Variants in ADGRD1 observed in about 807,000 individuals in gnomAD.
The protein encoded by ADGRD1 is G-protein coupled receptor 133.
Under a neutral mutation model 113.4 loss-of-function variants are expected in ADGRD1, and 77 were observed. The ratio of observed to expected loss-of-function variants is 0.68; its 90% CI spans 0.57 to 0.82. The LOEUF (loss-of-function observed/expected upper bound fraction) is 0.82, where lower values mean the gene tolerates loss of function less well. Ranked by LOEUF, ADGRD1 falls within the 40% of genes least tolerant of loss-of-function variation. ADGRD1 has a pLI of 0.00. For synonymous variants in ADGRD1, 474 were observed against 475.0 expected (o/e 1.00, Z 0.03); for missense variants, 1,036 against 1,139.1 (o/e 0.91, Z 1.30).
chr12:131,044,677 T>G (rs886307919), intron 13 of ADGRD1, among the ~76,000 whole-genome samples: 3 of 152,198 alleles, frequency 2.0e-5, no homozygotes, highest in African/African-American at 7.2e-5. Context: ...ACGGCTGTCC[T>G]TCCAGATTTC....
intron 8 of ADGRD1, chr12:130,994,183 A>G (rs1049066083): frequency 4.2e-5 from 17 of 402,356 alleles, no homozygotes; most frequent in African/African-American, 3.1e-4. Context: ...TTGGGTGGAA[A>G]GAGCGGGTAT....
At chr12:131,115,184 C>T (rs960535566) in intron 18 of ADGRD1, among the ~76,000 whole-genome samples, 11 of 152,166 alleles carry the variant, frequency 7.2e-5, no homozygotes, top group South Asian at 2.1e-4. Flanking sequence ...TTCCTATGCA[C>T]GCTACATGTC....
intron 13 of ADGRD1, among the ~76,000 whole-genome samples, chr12:131,039,415 T>C (rs1350174584): frequency 6.6e-6 from 1 of 152,248 alleles, no homozygotes; most frequent in African/African-American, 2.4e-5. Flanking sequence ...TTTCCCGGTC[T>C]AGACCATCTT....
chr12:131,092,712 G>A (rs745642832), intron 15 of ADGRD1, among the ~76,000 whole-genome samples: 2 of 152,138 alleles, frequency 1.3e-5, no homozygotes, highest in Non-Finnish European at 2.9e-5. Context: ...CCGCTCCTGG[G>A]GCCTGGTGGT....
chr12:130,967,868 T>C (rs1871185826), intron 3 of ADGRD1: 1 of 152,266 alleles, frequency 6.6e-6, no homozygotes, highest in African/African-American at 2.4e-5. Context: ...CAGATGTCTT[T>C]TCCAAAGGGT....
At position 131,136,651 on chromosome 12, in the gene ADGRD1, G is replaced by A. The variant is rs114994819; in HGVS notation, c.2395-322G>A. Reference sequence around the variant, plus strand: ...GCCCTCCCTGGGCTACTCAAGTTGCGTCTGTGTCTGCAGGCCAGTGGCACG... The same window carrying A: ...GCCCTCCCTGGGCTACTCAAGTTGCATCTGTGTCTGCAGGCCAGTGGCACG... On this transcript the variant is annotated intron_variant, in intron 22 of 24. Coordinates refer to ENST00000261654, the MANE Select transcript of ADGRD1 (RefSeq NM_198827.5). Among the ~76,000 whole-genome samples, 1,068 of 152,366 alleles carry A rather than the reference G, an allele frequency of 7.0e-3. 12 individuals are homozygous for A. Among genetic ancestry groups the A allele is most frequent in the African/African-American group, 0.024 (1,001 of 41,594 alleles).
At chr12:131,123,418 C>T (rs1193298606) in intron 20 of ADGRD1, among the ~76,000 whole-genome samples, 7 of 152,056 alleles carry the variant, frequency 4.6e-5, no homozygotes, top group African/African-American at 1.7e-4. Flanking sequence ...TTAGAATCTT[C>T]CAGGTGACTC....
At chr12:131,126,330 G>A (rs1950737326) in intron 20 of ADGRD1, among the ~76,000 whole-genome samples, 1 of 152,162 alleles carries the variant, frequency 6.6e-6, no homozygotes, top group African/African-American at 2.4e-5. Flanking sequence ...ATGGGACAGT[G>A]TAGCAAGAAG....
In ADGRD1 at chr12:131,084,557, G is replaced by A. The variant is rs1660116029; in HGVS notation, c.1565G>A (p.Trp522Ter). The stretch of plus-strand genomic sequence containing the variant: ...GTCCTCAGCTCCGGAGAAGGGGTCT[G>A]GTCGAACCACGGCTGTGCGCTCACG... ...FLDFSSGEGVWSNHGCALTRG... is the reference protein window; with the variant it reads ...FLDFSSGEGV The change falls in exon 15 of 25, where the codon TGG becomes TAG. Residue 522 changes from tryptophan to a stop codon, truncating the protein, a stop_gained. Transcript: ENST00000261654. LOFTEE classifies it high-confidence loss of function. This position sits in a 1 kb window ranked among gnomAD's most constrained non-coding sequence, Gnocchi z 4.5. 1 of 1,614,094 alleles carries A rather than the reference G, an allele frequency of 6.2e-7. No homozygotes were observed. The highest frequency in any genetic ancestry group is 2.2e-5 in the East Asian group (1 of 44,870).
chr12:131,028,702 C>A (rs1334237672), intron 13 of ADGRD1, among the ~76,000 whole-genome samples: 1 of 152,130 alleles, frequency 6.6e-6, no homozygotes, highest in African/African-American at 2.4e-5. Flanking sequence ...CCAACCTCTC[C>A]CCTAGTGCTG....
At chr12:131,077,639 A>C (rs1259953362) in intron 14 of ADGRD1, among the ~76,000 whole-genome samples, 4 of 152,154 alleles carry the variant, frequency 2.6e-5, no homozygotes, top group Non-Finnish European at 4.4e-5. Flanking sequence ...CCGGATCCTC[A>C]GCTGCTGCTC....
At position 131,141,106 on chromosome 12, in the gene ADGRD1, A is replaced by G. The variant is rs1269168465; in HGVS notation, c.*1843A>G. The G allele has an allele frequency of 6.6e-6, 1 of 152,266 alleles. No individual in the cohort carries two copies. Among genetic ancestry groups the G allele is most frequent in the African/African-American group, 2.4e-5 (1 of 41,472 alleles). The allele number at this position is 152,266 out of a possible 1,614,324, so 9.4% of individuals were successfully genotyped here. A position where few individuals can be genotyped will look rare whatever the true frequency, so the allele number is the denominator to read the frequency against. ...AGAACACTGTATTCCTACAATGTAC[A>G]CTTGGATATTTCTCCTTATTTAGTT... On this transcript the variant is annotated 3_prime_UTR_variant, in exon 25 of 25. Coordinates refer to ENST00000261654, the MANE Select transcript of ADGRD1 (RefSeq NM_198827.5).
chr12:130,964,252 GTTTTA>G (rs1870749154), intron 2 of ADGRD1, among the ~76,000 whole-genome samples: 1 of 151,326 alleles, frequency 6.6e-6, no homozygotes, highest in African/African-American at 2.5e-5. Context: ...ATTGTGTTTT[GTTTTA>G]TTTTATTACA....
chr12:131,056,828 G>A (rs1883902797), intron 13 of ADGRD1, among the ~76,000 whole-genome samples: 1 of 152,160 alleles, frequency 6.6e-6, no homozygotes, highest in Admixed American at 6.5e-5. Flanking sequence ...AGAAAACAAA[G>A]CACACGCTTC....
intron 2 of ADGRD1, among the ~76,000 whole-genome samples, chr12:130,963,859 A>T (rs1387618273): frequency 6.6e-6 from 1 of 152,158 alleles, no homozygotes; most frequent in African/African-American, 2.4e-5. Flanking sequence ...ATTGGGATAG[A>T]TACTGCCAAA....
chr12:130,954,597 T>G lies in ADGRD1; in HGVS notation c.67-27T>G. On this transcript the variant is annotated intron_variant, in intron 1 of 24. Coordinates refer to ENST00000261654, the MANE Select transcript of ADGRD1 (RefSeq NM_198827.5). This position sits in a 1 kb window ranked among gnomAD's most constrained non-coding sequence, Gnocchi z 4.7. ...TCTCCGGAGGCTTTCCCTGAGTGTG[T>G]CTCACACTGTGGTCTTTTGTGCGCA... The G allele has an allele frequency of 6.2e-7, 1 of 1,613,396 alleles. No homozygotes were observed. The highest frequency in any genetic ancestry group is 1.3e-5 in the African/African-American group (1 of 75,052).
chr12:131,104,180 C>T (rs1000474663), intron 15 of ADGRD1, among the ~76,000 whole-genome samples: 2 of 152,198 alleles, frequency 1.3e-5, no homozygotes, highest in Non-Finnish European at 2.9e-5. Context: ...TCCTGAGGCC[C>T]ACAGTGTGCA....
chr12:131,090,447 C>T (rs1192003163), intron 15 of ADGRD1, among the ~76,000 whole-genome samples: 2 of 152,188 alleles, frequency 1.3e-5, no homozygotes, highest in South Asian at 2.1e-4. Flanking sequence ...TGTCCCTTCT[C>T]TCTCCGAGGT....
intron 15 of ADGRD1, among the ~76,000 whole-genome samples, chr12:131,104,487 C>T (rs78747289): frequency 6.6e-6 from 1 of 152,188 alleles, no homozygotes; most frequent in Non-Finnish European, 1.5e-5. Flanking sequence ...AGGTCTGGCT[C>T]TGGGGCTGAC....
Sources: gnomAD v4.1 joint callset for allele counts (sites outside exome capture counted in the v4.1 genomes callset) on GRCh38, gnomAD v4.1.1 for gene constraint, Gnocchi (gnomAD v3.1) non-coding constraint, MANE v1.5 for transcripts, NCBI Gene and HGNC (gene_info 2026-07-23, HGNC 2026-07-21) for gene names.